Variants in HDC observed in about 807,000 individuals in gnomAD.
HDC encodes the protein histidine decarboxylase.
A neutral mutation model predicts 64.4 loss-of-function variants in HDC; 27 were observed. The ratio of observed to expected loss-of-function variants is 0.42; its 90% CI spans 0.31 to 0.58. HDC has a LOEUF of 0.58. Ranked by LOEUF, HDC falls within the 20% of genes least tolerant of loss-of-function variation. HDC has a pLI of 0.16. For missense variants in HDC, 711 were observed against 833.9 expected (o/e 0.85, Z 1.81); for synonymous variants, 305 against 314.2 (o/e 0.97, Z 0.31).
chr15:50,253,481 C>G, intron 7 of HDC, 119 bp downstream of exon 7: 1 of 924,954 alleles, frequency 1.1e-6, no homozygotes, highest in South Asian at 1.3e-5. Context: ...CTTCCCATGT[C>G]TCTGCATTGA....
chr15:50,247,173 CG>C (rs2045493480), intron 10 of HDC, among the ~76,000 whole-genome samples: 1 of 151,962 alleles, frequency 6.6e-6, no homozygotes, highest in Non-Finnish European at 1.5e-5. Context: ...TAATGTTAGG[CG>C]GCACAATAAG....
chr15:50,264,085 T>C (rs2045739043), intron 1 of HDC, among the ~76,000 whole-genome samples: 1 of 152,222 alleles, frequency 6.6e-6, no homozygotes, highest in Admixed American at 6.5e-5. Context: ...TCTATAGCTC[T>C]TTGTATCCAA....
Position 50,252,461 on chromosome 15 carries a change from T to C in HDC, c.1010A>G (p.His337Arg). Residue 337 changes from histidine (H) to arginine (R), a missense_variant, in exon 9 of 12, where the codon CAT (histidine) becomes CGT (arginine). Coordinates refer to ENST00000267845, the MANE Select transcript of HDC (RefSeq NM_002112.4). ...GTCGGTGGCCACGCCTGAGTTGGCA[T>C]GCCTGAGGTAGATGGGATTCACACT... ...TFSVNPIYLRHANSGVATDFM... is the reference protein window; with the variant it reads ...TFSVNPIYLRRANSGVATDFM... The C allele has an allele frequency of 6.2e-7, 1 of 1,614,214 alleles. No individual in the cohort carries two copies.
At chr15:50,243,333 A>C in intron 10 of HDC, 89 bp from the exon 11 acceptor site, 1 of 888,052 alleles carries the variant, frequency 1.1e-6, no homozygotes, top group Non-Finnish European at 1.9e-6. Flanking sequence ...GTTTTAAACC[A>C]GGGCCATCTT....
In HDC at chr15:50,248,275, C is replaced by T; in HGVS notation, c.1110G>A (p.Gly370=). 1.2e-6 allele frequency: 2 copies of T among 1,613,904 alleles called. No individual in the cohort carries two copies. Among genetic ancestry groups the T allele is most frequent in the East Asian group, 2.2e-5 (1 of 44,888 alleles). Residue 370 remains glycine (G), a synonymous_variant, in exon 10 of 12, where the codon GGG becomes GGA. Transcript: ENST00000267845. This position sits in a 1 kb window ranked among gnomAD's most constrained non-coding sequence, Gnocchi z 4.3. The stretch of plus-strand genomic sequence containing the variant: ...TGACATGTGCTTGAAGATTCTTCAC[C>T]CCGAAGGACCGAATCACGAACCAGA... The part of the protein sequence containing the change: ...VKLWFVIRSF[G]VKNLQAHVRH...
rs553519722 is a variant in HDC, at chr15:50,251,055, A to C, written c.1041+1375T>G. ...GGAAGGATGCTTACAGGGGTCAGAC[A>C]CTGCTCTCAGCACTTCAGTGTATTA... On this transcript the variant is annotated intron_variant, in intron 9 of 11. Coordinates refer to ENST00000267845, the MANE Select transcript of HDC (RefSeq NM_002112.4). Among the ~76,000 whole-genome samples, 15 of 152,370 alleles carry C rather than the reference A, an allele frequency of 9.8e-5. No individual in the cohort carries two copies. In the East Asian group the frequency reaches 2.9e-3, roughly 29 times the overall value.
chr15:50,253,097 G>A (rs1236382852), intron 7 of HDC: 3 of 448,146 alleles, frequency 6.7e-6, no homozygotes, highest in Non-Finnish European at 1.2e-5. Flanking sequence ...AGCAATGTCA[G>A]TGCACCGAAT....
At chr15:50,258,000 A>G (rs886611630) in intron 3 of HDC, among the ~76,000 whole-genome samples, 1 of 143,216 alleles carries the variant, frequency 7.0e-6, no homozygotes, top group African/African-American at 2.6e-5. Flanking sequence ...TTAAGGGGTT[A>G]TTAAGGGAAG....
chr15:50,258,445 C>T lies in HDC; in HGVS notation c.277G>A (p.Asp93Asn). Residue 93 changes from aspartate (D) to asparagine (N), a missense_variant, in exon 3 of 12, where the codon GAC becomes AAC. Around this residue, in one of 3 missense-constraint regions of HDC, gnomAD observed 225 missense variants for 276.2 expected, o/e 0.81. Transcript: ENST00000267845. ...ALTSWPSLLG[D>N]MLADAINCLG... ...CAGTTGATGGCATCAGCCAGCATGTCTCCTAGCAGGGAGGGCCAAGAGGTG... is the reference window on the plus strand; with the variant it reads ...CAGTTGATGGCATCAGCCAGCATGTTTCCTAGCAGGGAGGGCCAAGAGGTG... The T allele has an allele frequency of 6.2e-7, 1 of 1,613,802 alleles. No individual in the cohort carries two copies. The highest frequency in any genetic ancestry group is 8.5e-7 in the Non-Finnish European group (1 of 1,179,768).
rs188510721 is a variant in HDC, at chr15:50,248,363, G to C, written c.1042-20C>G. 1.3e-6 allele frequency: 2 copies of C among 1,578,004 alleles called. No homozygotes were observed. The highest frequency in any genetic ancestry group is 3.3e-5 in the Admixed American group (2 of 59,914). ...CCAGTGCTAGAAACAAAGGAACACAGTGCCCAAGGTTAGAGACAAGGGTGC... is the reference window on the plus strand; with the variant it reads ...CCAGTGCTAGAAACAAAGGAACACACTGCCCAAGGTTAGAGACAAGGGTGC... On this transcript the variant is annotated intron_variant, in intron 9 of 11. Coordinates refer to ENST00000267845, the MANE Select transcript of HDC (RefSeq NM_002112.4). This position sits in a 1 kb window ranked among gnomAD's most constrained non-coding sequence, Gnocchi z 4.3.
intron 1 of HDC, among the ~76,000 whole-genome samples, chr15:50,264,790 C>A (rs1053218615): frequency 6.6e-6 from 1 of 152,138 alleles, no homozygotes; most frequent in African/African-American, 2.4e-5. Context: ...TCCTTCTGCT[C>A]CCCTTCAACC....
chr15:50,262,301 T>C (rs149308055), intron 2 of HDC, among the ~76,000 whole-genome samples: 253 of 152,258 alleles, frequency 1.7e-3, no homozygotes, highest in African/African-American at 6.0e-3. Flanking sequence ...AGGTACTAAT[T>C]CTGTGACTTT....
At chr15:50,252,372 G>T (rs755563321) in intron 9 of HDC, 58 bp downstream of exon 9, 43 of 1,365,996 alleles carry the variant, frequency 3.1e-5, no homozygotes, top group Non-Finnish European at 2.7e-5. Context: ...GGGGTCAGAC[G>T]CCTACAGTTC....
rs1414106762 is a variant in HDC, at chr15:50,242,896, T to C, written c.1353A>G (p.Thr451=). The C allele has an allele frequency of 3.1e-6, 5 of 1,614,008 alleles. No homozygotes were observed. The highest frequency in any genetic ancestry group is 4.2e-6 in the Non-Finnish European group (5 of 1,180,008). The stretch of plus-strand genomic sequence containing the variant: ...TGTCATCCCTAGTGGTAAACTGGGA[T>C]GTCACAGTGAAACGGATGATTAACT... ...QDKLIIRFTV[T]SQFTTRDDIL... The change falls in exon 12 of 12, where the codon ACA becomes ACG. Residue 451 remains threonine (T), a synonymous_variant. Transcript: ENST00000267845.
chr15:50,249,497 C>G (rs1230835248), intron 9 of HDC, among the ~76,000 whole-genome samples: 1 of 152,208 alleles, frequency 6.6e-6, no homozygotes, highest in Non-Finnish European at 1.5e-5. Flanking sequence ...GGGATGTTAC[C>G]CCTTTGTTGA....
At chr15:50,260,966 T>C (rs1321109798) in intron 2 of HDC, among the ~76,000 whole-genome samples, 1 of 152,194 alleles carries the variant, frequency 6.6e-6, no homozygotes, top group Non-Finnish European at 1.5e-5. Context: ...CAGTTTTCAA[T>C]GAGGCACTGA....
chr15:50,263,910 G>T (rs561070314), intron 1 of HDC, among the ~76,000 whole-genome samples: 52 of 152,128 alleles, frequency 3.4e-4, no homozygotes, highest in Admixed American at 9.2e-4. Context: ...GTGAGCAAAT[G>T]AACAAAAAGG....
At chr15:50,243,471 A>T (rs2045431374) in intron 10 of HDC, among the ~76,000 whole-genome samples, 1 of 152,188 alleles carries the variant, frequency 6.6e-6, no homozygotes, top group African/African-American at 2.4e-5. Flanking sequence ...TCGAGAACTC[A>T]TCTCAGGGCC....
chr15:50,253,797 G>A, intron 6 of HDC, 131 bp from the exon 7 acceptor site: 1 of 770,398 alleles, frequency 1.3e-6, no homozygotes. Context: ...TTCAGACTGT[G>A]TTTTACCATG....
Sources: gnomAD v4.1 joint callset for allele counts (sites outside exome capture counted in the v4.1 genomes callset) on GRCh38, gnomAD v4.1.1 for gene constraint, gnomAD v4.1.1 regional missense constraint, Gnocchi (gnomAD v3.1) non-coding constraint, MANE v1.5 for transcripts, NCBI Gene and HGNC (gene_info 2026-07-23, HGNC 2026-07-21) for gene names.